The following RAB11FIP3 variants were observed in gnomAD, a reference collection of about 807,000 sequenced individuals.
RAB11FIP3 encodes RAB11 family interacting protein 3.
A neutral mutation model predicts 77.8 loss-of-function variants in RAB11FIP3; 17 were observed. That is an observed-to-expected ratio of 0.22 (90% CI 0.15 to 0.33). The LOEUF is 0.33. Ranked by LOEUF, RAB11FIP3 falls within the 10% of genes least tolerant of loss-of-function variation. RAB11FIP3 has a pLI of 1.00. For missense variants in RAB11FIP3, 1,005 were observed against 1,011.2 expected, an observed-to-expected ratio of 0.99 and a Z score of 0.08; for synonymous variants, 437 against 448.2, an observed-to-expected ratio of 0.98 and a Z score of 0.31.
At chr16:439,449 T>G (rs1361285953) in intron 1 of RAB11FIP3, 1 of 152,256 alleles carries the variant, frequency 6.6e-6, no homozygotes, top group African/African-American at 2.4e-5. Flanking sequence ...TGTGATATTC[T>G]TGTGTTTATC....
At chr16:483,992 C>G (rs947874415) in intron 4 of RAB11FIP3, among the ~76,000 whole-genome samples, 27 of 152,124 alleles carry the variant, frequency 1.8e-4, no homozygotes, top group African/African-American at 6.3e-4. Flanking sequence ...ATGCATAAAC[C>G]CGGCCCTTGG....
chr16:499,754 C>T (rs3743900), intron 6 of RAB11FIP3, among the ~76,000 whole-genome samples: 10,366 of 147,588 alleles, frequency 0.07, 595 homozygotes, highest in East Asian at 0.33. Context: ...GCCCAGATCA[C>T]GCCACTGCAC....
intron 6 of RAB11FIP3, chr16:497,091 G>A (rs1391153624): frequency 3.6e-6 from 2 of 551,642 alleles, no homozygotes; most frequent in East Asian, 9.4e-5. Context: ...CAGAGCTTTT[G>A]GTGCTGGGCC....
chr16:453,947 AT>A (rs35363493), intron 1 of RAB11FIP3, among the ~76,000 whole-genome samples: 90,819 of 151,836 alleles, frequency 0.6, 27,427 homozygotes, highest in Middle Eastern at 0.68. Context: ...CAGTGAGCAC[AT>A]TTCAGAGTAG....
intron 6 of RAB11FIP3, chr16:497,163 C>T: frequency 2.5e-6 from 2 of 810,176 alleles, no homozygotes; most frequent in Non-Finnish European, 3.6e-6. Flanking sequence ...TCTATGTTAG[C>T]TCTGAGGTAG....
intron 5 of RAB11FIP3, among the ~76,000 whole-genome samples, chr16:492,726 C>T (rs554222461): frequency 5.9e-5 from 9 of 152,274 alleles, no homozygotes; most frequent in Admixed American, 2.6e-4. Flanking sequence ...GCAAGCATGT[C>T]ATCTCCGTAC....
At position 480,286 on chromosome 16, in the gene RAB11FIP3, C is replaced by CAAAAAAAAAAAAAAAAAA. The variant is rs56228402; in HGVS notation, c.904-2236_904-2219dup. ...GGCAGGAAGAGTAAAACTCCTTCTC[C>CAAAAAAAAAAAAAAAAAA]AAAAAAAAAAAAAAAAAAAAGTTGA... On this transcript the variant is annotated intron_variant, in intron 3 of 13. Transcript: ENST00000262305. Among the ~76,000 whole-genome samples, 230 of 79,986 alleles carry CAAAAAAAAAAAAAAAAAA rather than the reference C, an allele frequency of 2.9e-3. 3 individuals carry two copies. The highest frequency in any genetic ancestry group is 0.011 in the African/African-American group (224 of 20,728). 52.5% of individuals were successfully genotyped at this position (79,986 alleles called of 152,430 possible). A position where few individuals can be genotyped will look rare whatever the true frequency, so the allele number is the denominator to read the frequency against.
Position 507,301 on chromosome 16 carries a change from C to T in RAB11FIP3, c.1499+1674C>T, listed in dbSNP as rs1178894272. 1.3e-5 allele frequency among the ~76,000 whole-genome samples: 2 copies of T among 152,110 alleles called. No homozygotes were observed. The highest frequency in any genetic ancestry group is 2.9e-5 in the Non-Finnish European group (2 of 68,016). On this transcript the variant is annotated intron_variant, in intron 8 of 13. Transcript: ENST00000262305. This position sits in a 1 kb window ranked among gnomAD's most constrained non-coding sequence, Gnocchi z 4.6. ...CTAATTTTTGTATTTTTAGTAGAGA[C>T]GGGGTTTCACCATATTGACCAGGCT...
In RAB11FIP3 at chr16:426,130, G is replaced by A. The variant is rs971512648; in HGVS notation, c.124G>A (p.Gly42Arg). ...TCCGGGCCCTGCGGAGCTACGCCTC[G>A]GAGCGCCCGTCGGCGGCCCCGACCC... ...LAPGPAELRL[G>R]APVGGPDPQS... The change falls in exon 1 of 14, where the codon GGA (glycine) becomes AGA (arginine). Residue 42 changes from glycine (G) to arginine (R), a missense_variant. By Grantham distance (125) the Gly-to-Arg change is moderately radical. Around this residue, in one of 4 missense-constraint regions of RAB11FIP3, gnomAD observed 466 missense variants for 408.3 expected, o/e 1.14. Transcript: ENST00000262305. The surrounding 1 kb of genome is among the most constrained non-coding windows in gnomAD (Gnocchi z 5.0). 803 of 1,010,524 alleles carry A rather than the reference G, an allele frequency of 7.9e-4. 1 individual carries two copies. Among genetic ancestry groups the A allele is most frequent in the Non-Finnish European group, 9.2e-4 (784 of 848,026 alleles). 62.6% of individuals were successfully genotyped at this position (1,010,524 alleles called of 1,614,324 possible).
intron 1 of RAB11FIP3, among the ~76,000 whole-genome samples, chr16:428,945 G>A (rs1438474741): frequency 6.6e-6 from 1 of 152,030 alleles, no homozygotes. Context: ...TGGATGACTT[G>A]GGATTTGGTG....
At chr16:458,195 G>T (rs1567367906) in intron 1 of RAB11FIP3, among the ~76,000 whole-genome samples, 1 of 152,252 alleles carries the variant, frequency 6.6e-6, no homozygotes, top group South Asian at 2.1e-4. Flanking sequence ...CCCGGGCCTT[G>T]CTCTGGTGCC....
chr16:439,287 TTC>T (rs2141856872), intron 1 of RAB11FIP3: 1 of 152,338 alleles, frequency 6.6e-6, no homozygotes, highest in Admixed American at 6.5e-5. Context: ...CCGTCTGTCT[TTC>T]TGTCTGTTCA....
intron 1 of RAB11FIP3, among the ~76,000 whole-genome samples, chr16:447,839 A>G (rs1389647610): frequency 6.6e-6 from 1 of 152,258 alleles, no homozygotes; most frequent in East Asian, 1.9e-4. Flanking sequence ...AATGTGAACA[A>G]CATGAGCACA....
chr16:426,486 C>T lies in RAB11FIP3; in HGVS notation c.480C>T (p.Val160=), dbSNP rs1228725715. The part of the protein sequence containing the change: ...SSHRARGEVD[V]FSPFPAPTAG... ...ACCGAGCGCGGGGCGAGGTCGACGT[C>T]TTCTCTCCCTTCCCCGCGCCCACGG... The change falls in exon 1 of 14, where the codon GTC becomes GTT. Residue 160 remains valine, a synonymous_variant. Transcript: ENST00000262305. The surrounding 1 kb of genome is among the most constrained non-coding windows in gnomAD (Gnocchi z 5.0). 11 of 1,580,344 alleles carry T rather than the reference C, an allele frequency of 7.0e-6. No homozygotes were observed. Among genetic ancestry groups the T allele is most frequent in the Admixed American group, 3.7e-5 (2 of 54,682 alleles).
intron 1 of RAB11FIP3, among the ~76,000 whole-genome samples, chr16:445,297 G>T (rs2055295937): frequency 1.3e-5 from 2 of 150,528 alleles, no homozygotes; most frequent in East Asian, 2.0e-4. Context: ...AAATCAGCCA[G>T]GCCTGGTGGC....
chr16:491,788 T>TG (rs2030217068), intron 5 of RAB11FIP3, among the ~76,000 whole-genome samples: 1 of 152,152 alleles, frequency 6.6e-6, no homozygotes, highest in East Asian at 1.9e-4. Flanking sequence ...TTGCACATAT[T>TG]GACGTGCCCG....
intron 9 of RAB11FIP3, among the ~76,000 whole-genome samples, chr16:512,084 G>T (rs958213857): frequency 6.6e-6 from 1 of 152,206 alleles, no homozygotes; most frequent in Non-Finnish European, 1.5e-5. Context: ...TTTAGAAAAA[G>T]GGGCAAAGCT....
At chr16:484,572 C>G (rs2056113362) in intron 4 of RAB11FIP3, among the ~76,000 whole-genome samples, 1 of 152,186 alleles carries the variant, frequency 6.6e-6, no homozygotes, top group African/African-American at 2.4e-5. Context: ...AGGCTGGTCT[C>G]CAACCCCTGG....
Position 497,272 on chromosome 16 carries a change from A to G in RAB11FIP3, c.1301+413A>G, listed in dbSNP as rs192110235. 281 of 1,304,802 alleles carry G rather than the reference A, an allele frequency of 2.2e-4. 5 individuals are homozygous for G. The African/African-American group carries it at 3.0e-3, about 14-fold the overall frequency. The allele number at this position is 1,304,802 out of a possible 1,614,324, so 80.8% of individuals were successfully genotyped here. A position where few individuals can be genotyped will look rare whatever the true frequency, so the allele number is the denominator to read the frequency against. ...ATGGGTCTGACTCCAATTCCTAAAG[A>G]CCATTTCTTCATTTTCCAGCTTCGT... On this transcript the variant is annotated intron_variant, in intron 6 of 13. Coordinates refer to ENST00000262305, the MANE Select transcript of RAB11FIP3 (RefSeq NM_014700.4).
Sources: gnomAD v4.1 joint callset for allele counts (sites outside exome capture counted in the v4.1 genomes callset) on GRCh38, gnomAD v4.1.1 for gene constraint, gnomAD v4.1.1 regional missense constraint, Gnocchi (gnomAD v3.1) non-coding constraint, MANE v1.5 for transcripts, NCBI Gene and HGNC (gene_info 2026-07-23, HGNC 2026-07-21) for gene names.